GLRA3: variants seen among roughly 807,000 people sequenced by gnomAD.
GLRA3 encodes glycine receptor subunit alpha-3.
In GLRA3, 44 loss-of-function variants were observed where a neutral mutation model predicts 60.4. The observed-to-expected ratio is 0.73, with a 90% CI of 0.57 to 0.94. The LOEUF (loss-of-function observed/expected upper bound fraction) is 0.94, where lower values mean the gene tolerates loss of function less well. Ranked by LOEUF, GLRA3 falls within the 40% of genes least tolerant of loss-of-function variation. GLRA3 has a pLI of 0.00. For synonymous variants in GLRA3, 223 were observed against 192.9 expected, an observed-to-expected ratio of 1.16 and a Z score of -1.29; for missense variants, 508 against 564.6, an observed-to-expected ratio of 0.90 and a Z score of 1.02.
At chr4:174,815,247 G>A (rs1002010899) in intron 1 of GLRA3, among the ~76,000 whole-genome samples, 1 of 152,190 alleles carries the variant, frequency 6.6e-6, no homozygotes, top group East Asian at 1.9e-4. Context: ...CCATGGCCTT[G>A]AGCAGCTCCA....
At chr4:174,657,868 TCCC>T (rs1323557708) in intron 8 of GLRA3, among the ~76,000 whole-genome samples, 3 of 152,188 alleles carry the variant, frequency 2.0e-5, no homozygotes, top group Non-Finnish European at 4.4e-5. Flanking sequence ...TTACTAAATC[TCCC>T]GATGCTGAAT....
At chr4:174,710,409 A>T (rs1377462675) in intron 5 of GLRA3, among the ~76,000 whole-genome samples, 1 of 152,130 alleles carries the variant, frequency 6.6e-6, no homozygotes, top group Non-Finnish European at 1.5e-5. Context: ...TTCTTTTTTC[A>T]GATTAATGTA....
chr4:174,748,708 C>T (rs1433092241), intron 3 of GLRA3, among the ~76,000 whole-genome samples: 1 of 152,056 alleles, frequency 6.6e-6, no homozygotes, highest in African/African-American at 2.4e-5. Context: ...TCTTGTGTTC[C>T]GGTCTCTACG....
intron 1 of GLRA3, among the ~76,000 whole-genome samples, chr4:174,823,132 C>T (rs1207137082): frequency 4.6e-5 from 7 of 152,132 alleles, no homozygotes; most frequent in Non-Finnish European, 8.8e-5. Flanking sequence ...TTTCTGCCTG[C>T]ACTCCAGAAC....
intron 6 of GLRA3, among the ~76,000 whole-genome samples, chr4:174,679,147 C>T (rs1196698657): frequency 6.6e-6 from 1 of 151,872 alleles, no homozygotes; most frequent in Non-Finnish European, 1.5e-5. Context: ...CTGGCTAACC[C>T]GGTGCAACCC....
intron 1 of GLRA3, among the ~76,000 whole-genome samples, chr4:174,798,912 C>T (rs1352287668): frequency 6.6e-6 from 1 of 151,100 alleles, no homozygotes; most frequent in African/African-American, 2.4e-5. Flanking sequence ...CAGAGGGAGA[C>T]TCTGCCTGAA....
intron 6 of GLRA3, among the ~76,000 whole-genome samples, chr4:174,682,142 G>A (rs72706156): frequency 0.023 from 3,430 of 152,150 alleles, 61 homozygotes; most frequent in Non-Finnish European, 0.034. Flanking sequence ...CTGTTTAATG[G>A]CATTCAGAGA....
chr4:174,795,930 A>G (rs1318696161), intron 1 of GLRA3, among the ~76,000 whole-genome samples: 3 of 152,180 alleles, frequency 2.0e-5, no homozygotes, highest in African/African-American at 7.2e-5. Flanking sequence ...TCAAAACCAA[A>G]CTCTACAGAT....
rs1732651345 is a variant in GLRA3 at position 174,642,536 on chromosome 4, T to C, written c.*1250A>G. The stretch of plus-strand genomic sequence containing the variant: ...ATCATACATTTGCACCCAATTACAC[T>C]GCAAAAAACAAGTTACTAATGCTCT... On this transcript the variant is annotated 3_prime_UTR_variant, in exon 10 of 10. Transcript: ENST00000274093. 1 of 976,520 alleles carries C rather than the reference T, an allele frequency of 1.0e-6. No homozygotes were observed. The highest frequency in any genetic ancestry group is 1.2e-6 in the Non-Finnish European group (1 of 821,846). The allele number at this position is 976,520 out of a possible 1,614,324, so 60.5% of individuals were successfully genotyped here. A position where few individuals can be genotyped will look rare whatever the true frequency, so the allele number is the denominator to read the frequency against.
chr4:174,671,914 G>A (rs1023014272), intron 7 of GLRA3, among the ~76,000 whole-genome samples: 2 of 152,108 alleles, frequency 1.3e-5, no homozygotes, highest in Non-Finnish European at 2.9e-5. Context: ...GCCTCCCAAA[G>A]TGCTGGGATT....
At chr4:174,715,778 C>G (rs1460581941) in intron 4 of GLRA3, among the ~76,000 whole-genome samples, 1 of 152,146 alleles carries the variant, frequency 6.6e-6, no homozygotes, top group Non-Finnish European at 1.5e-5. Context: ...AATTGCATAT[C>G]TTAGGCTGGT....
intron 1 of GLRA3, among the ~76,000 whole-genome samples, chr4:174,816,485 C>A (rs528844258): frequency 5.9e-5 from 9 of 152,194 alleles, no homozygotes; most frequent in African/African-American, 1.7e-4. Flanking sequence ...ACTTAACTCA[C>A]GATACTTGTC....
intron 1 of GLRA3, among the ~76,000 whole-genome samples, chr4:174,801,482 C>T (rs1739811236): frequency 6.6e-6 from 1 of 152,098 alleles, no homozygotes; most frequent in African/African-American, 2.4e-5. Flanking sequence ...GTCATTTCCA[C>T]ACAAGTTTGC....
At chr4:174,700,564 A>C (rs969656563) in intron 5 of GLRA3, among the ~76,000 whole-genome samples, 1 of 152,200 alleles carries the variant, frequency 6.6e-6, no homozygotes, top group African/African-American at 2.4e-5. Flanking sequence ...CTCTCACTTT[A>C]AATCAAAAGC....
intron 5 of GLRA3, among the ~76,000 whole-genome samples, chr4:174,690,796 T>C (rs987046824): frequency 5.3e-5 from 8 of 152,222 alleles, no homozygotes; most frequent in Admixed American, 1.3e-4. Flanking sequence ...TTGCCAAGGA[T>C]AATAGCCTCC....
In GLRA3 at chr4:174,717,255, AG is replaced by A. The variant is rs144774269; in HGVS notation, c.492-1686del. On this transcript the variant is annotated intron_variant, in intron 4 of 9. Transcript: ENST00000274093. ...AAGGAAGGCATGCAGGAAGGAAGGG[AG>A]GGAGGGAGGGAGAGAGAGAGAGAGA... 4.4e-3 allele frequency among the ~76,000 whole-genome samples: 578 copies of A among 131,024 alleles called. 8 individuals carry two copies. The highest frequency in any genetic ancestry group is 0.015 in the African/African-American group (550 of 36,428). The allele number at this position is 131,024 out of a possible 152,430, so 86.0% of individuals were successfully genotyped here.
intron 9 of GLRA3, among the ~76,000 whole-genome samples, chr4:174,645,110 G>A (rs796981225): frequency 5.9e-5 from 9 of 151,996 alleles, no homozygotes; most frequent in African/African-American, 2.2e-4. Flanking sequence ...CAAATAATTG[G>A]CTTGAACTCT....
intron 5 of GLRA3, among the ~76,000 whole-genome samples, chr4:174,699,424 A>C (rs1735209479): frequency 6.6e-6 from 1 of 152,236 alleles, no homozygotes; most frequent in Non-Finnish European, 1.5e-5. Flanking sequence ...ACCTACAATG[A>C]AAATGACATT....
At chr4:174,714,960 A>G (rs955604317) in intron 5 of GLRA3, among the ~76,000 whole-genome samples, 1 of 152,198 alleles carries the variant, frequency 6.6e-6, no homozygotes, top group African/African-American at 2.4e-5. Context: ...AACATACATA[A>G]CATACCCAGC....
Sources: allele counts gnomAD v4.1 joint callset (sites outside exome capture counted in the v4.1 genomes callset), GRCh38; gene constraint gnomAD v4.1.1; transcripts MANE v1.5; gene names NCBI Gene and HGNC (gene_info 2026-07-23, HGNC 2026-07-21).